The following RBFOX3 variants were observed in gnomAD, a reference collection of about 807,000 sequenced individuals.
RBFOX3 encodes the protein RNA binding protein fox-1 homolog 3.
Under a neutral mutation model 48.7 loss-of-function variants are expected in RBFOX3, and 17 were observed. That is an observed-to-expected ratio of 0.35 (90% confidence interval 0.24 to 0.52). RBFOX3 has a LOEUF of 0.52. Among genes scored for constraint, RBFOX3 ranks in the 20% least tolerant of loss-of-function variants. The pLI is 0.94. For synonymous variants in RBFOX3, 212 were observed against 209.5 expected (o/e 1.01, Z -0.10); for missense variants, 382 against 497.5 (o/e 0.77, Z 2.21).
At chr17:79,521,732 C>T (rs1031320158) in intron 1 of RBFOX3, among the ~76,000 whole-genome samples, 1 of 152,004 alleles carries the variant, frequency 6.6e-6, no homozygotes, top group South Asian at 2.1e-4. Context: ...CACAGGCACA[C>T]ACACACACAT....
intron 3 of RBFOX3, among the ~76,000 whole-genome samples, chr17:79,250,859 G>A (rs895593642): frequency 3.9e-5 from 5 of 127,346 alleles, no homozygotes; most frequent in East Asian, 4.7e-4. Context: ...CCTGAGTTTC[G>A]CTCTGCAGTA....
intron 4 of RBFOX3, among the ~76,000 whole-genome samples, chr17:79,142,674 G>A (rs2042143888): frequency 6.6e-6 from 1 of 152,166 alleles, no homozygotes; most frequent in Non-Finnish European, 1.5e-5. Context: ...GCTGGGGGGT[G>A]CCGGGGGTGC....
At chr17:79,331,823 GAAT>G (rs2080350115) in intron 2 of RBFOX3, among the ~76,000 whole-genome samples, 1 of 152,218 alleles carries the variant, frequency 6.6e-6, no homozygotes, top group African/African-American at 2.4e-5. Flanking sequence ...GGACAGCACA[GAAT>G]CCCAGTTTTC....
intron 1 of RBFOX3, among the ~76,000 whole-genome samples, chr17:79,580,603 A>G (rs915563126): frequency 1.9e-4 from 29 of 152,280 alleles, no homozygotes; most frequent in African/African-American, 6.7e-4. Flanking sequence ...CGCTGCAGTA[A>G]CAAACAGCTG....
At position 79,319,932 on chromosome 17, in the gene RBFOX3, G is replaced by A. The variant is rs1318409133; in HGVS notation, c.-174-12108C>T. 1.6e-4 allele frequency among the ~76,000 whole-genome samples: 23 copies of A among 143,342 alleles called. 2 individuals are homozygous for A. Among genetic ancestry groups the A allele is most frequent in the African/African-American group, 4.9e-4 (18 of 36,798 alleles). The allele number at this position is 143,342 out of a possible 152,430, so 94.0% of individuals were successfully genotyped here. On this transcript the variant is annotated intron_variant, in intron 2 of 14. Transcript: ENST00000693108. ...ATGTCTGGGCTGCTGGTCTATGTCT[G>A]GGCTGTTGGTCTTGTCCAGGCTGCT...
At chr17:79,576,548 GATGATGGAC>G (rs1311805436) in intron 1 of RBFOX3, among the ~76,000 whole-genome samples, 2 of 152,010 alleles carry the variant, frequency 1.3e-5, no homozygotes, top group African/African-American at 4.8e-5. Flanking sequence ...AGAAGTTGGA[GATGATGGAC>G]ATGATGGAGA....
At chr17:79,312,920 G>A (rs972102806) in intron 2 of RBFOX3, among the ~76,000 whole-genome samples, 2 of 152,108 alleles carry the variant, frequency 1.3e-5, no homozygotes, top group Admixed American at 1.3e-4. Flanking sequence ...GGGCCACAGT[G>A]GGACCGAGGG....
the RBFOX3 span, among the ~76,000 whole-genome samples, chr17:79,620,462 C>T: frequency 6.7e-6 from 1 of 150,024 alleles, no homozygotes; most frequent in East Asian, 2.0e-4. Flanking sequence ...TGCGCACACA[C>T]ATGCACACGT....
intron 3 of RBFOX3, among the ~76,000 whole-genome samples, chr17:79,246,247 G>A (rs991579704): frequency 2.0e-5 from 3 of 152,158 alleles, no homozygotes; most frequent in African/African-American, 7.2e-5. Context: ...ATGCCACAGG[G>A]GGCTGTGTGC....
chr17:79,336,901 C>G (rs895196369), intron 2 of RBFOX3, among the ~76,000 whole-genome samples: 5 of 152,164 alleles, frequency 3.3e-5, no homozygotes, highest in Non-Finnish European at 5.9e-5. Flanking sequence ...GGGTGGATCA[C>G]CTGAGGCCAG....
rs797028945 is a variant in RBFOX3, at chr17:79,491,465, T to C, written c.-319-8867A>G. On this transcript the variant is annotated intron_variant, in intron 1 of 14. Coordinates refer to ENST00000693108, the MANE Select transcript of RBFOX3 (RefSeq NM_001350451.2). ...TAGAGGGGAAAAACCAAGGCAGGAA[T>C]CTCAGTAGGGAGGTGGCCCAGGTGA... Among the ~76,000 whole-genome samples, 568 of 151,896 alleles carry C rather than the reference T, an allele frequency of 3.7e-3. 1 individual carries two copies. The highest frequency in any genetic ancestry group is 0.013 in the African/African-American group (533 of 41,388).
At chr17:79,419,741 C>T (rs1360872644) in intron 2 of RBFOX3, among the ~76,000 whole-genome samples, 1 of 152,200 alleles carries the variant, frequency 6.6e-6, no homozygotes, top group Non-Finnish European at 1.5e-5. Context: ...CACAAAGCAC[C>T]AATGAAATCA....
intron 3 of RBFOX3, among the ~76,000 whole-genome samples, chr17:79,296,542 A>C (rs2074367191): frequency 6.6e-6 from 1 of 152,110 alleles, no homozygotes; most frequent in Non-Finnish European, 1.5e-5. Context: ...GCCCCAGTCT[A>C]ACCCCTCCCC....
At chr17:79,662,129 A>ATTTTTTTTTTTTTTTTTTTTTT in the RBFOX3 span, among the ~76,000 whole-genome samples, 1 of 14,488 alleles carries the variant, frequency 6.9e-5, no homozygotes, top group African/African-American at 1.2e-4. Context: ...CTTCCTGTTT[A>ATTTTTTTTTTTTTTTTTTTTTT]TTCTTTTTTT....
chr17:79,367,407 C>T (rs12952733), intron 2 of RBFOX3, among the ~76,000 whole-genome samples: 118,434 of 149,860 alleles, frequency 0.79, 47,746 homozygotes, highest in Non-Finnish European at 0.87. Context: ...TCAAGTCCCC[C>T]GACCTTCTCC....
intron 4 of RBFOX3, among the ~76,000 whole-genome samples, chr17:79,127,397 G>C (rs1357091444): frequency 6.6e-6 from 1 of 152,366 alleles, no homozygotes; most frequent in South Asian, 2.1e-4. Flanking sequence ...GTCCAGAGCG[G>C]TGAGGGAGGA....
chr17:79,599,989 C>T (rs1188045909), intron 1 of RBFOX3: 6 of 152,294 alleles, frequency 3.9e-5, no homozygotes, highest in African/African-American at 1.4e-4. Context: ...TCCACAAAGA[C>T]AAAGTTTCCT....
chr17:79,288,480 C>CG (rs1197589374), intron 3 of RBFOX3, among the ~76,000 whole-genome samples: 1 of 152,010 alleles, frequency 6.6e-6, no homozygotes, highest in South Asian at 2.1e-4. Context: ...CTCTGCAGCC[C>CG]CCCCCAGCCC....
At chr17:79,356,676 AT>A (rs58753103) in intron 2 of RBFOX3, among the ~76,000 whole-genome samples, 20,472 of 147,270 alleles carry the variant, frequency 0.14, 1,468 homozygotes, top group East Asian at 0.22. Context: ...GCCAGTTTTG[AT>A]TTTTTTTTTT....
Sources: allele counts gnomAD v4.1 joint callset (sites outside exome capture counted in the v4.1 genomes callset), GRCh38; gene constraint gnomAD v4.1.1; transcripts MANE v1.5; gene names NCBI Gene and HGNC (gene_info 2026-07-23, HGNC 2026-07-21).